ENPP2: variants seen among roughly 807,000 people sequenced by gnomAD.
ENPP2 encodes autotaxin.
Under a neutral mutation model 120.2 loss-of-function variants are expected in ENPP2, and 51 were observed. The ratio of observed to expected loss-of-function variants is 0.42; its 90% CI spans 0.34 to 0.54. ENPP2 has a LOEUF of 0.54. Among genes scored for constraint, ENPP2 ranks in the 20% least tolerant of loss-of-function variants. The probability of loss-of-function intolerance (pLI) is 0.04; values close to 1 mark genes in which losing one functional copy is unlikely to be tolerated. For synonymous variants in ENPP2, 365 were observed against 366.4 expected, an observed-to-expected ratio of 1.00 and a Z score of 0.04; for missense variants, 920 against 1,066.5, an observed-to-expected ratio of 0.86 and a Z score of 1.91.
intron 5 of ENPP2, 103 bp from the exon 6 acceptor site, chr8:119,617,666 T>C: frequency 3.7e-6 from 3 of 808,902 alleles, no homozygotes; most frequent in Non-Finnish European, 6.1e-6. Context: ...AGAAAAAATT[T>C]CACCGGGCGT....
At position 119,557,553 on chromosome 8, in the gene ENPP2, T is replaced by C; in HGVS notation, c.2560A>G (p.Thr854Ala). The C allele has an allele frequency of 6.2e-7, 1 of 1,613,342 alleles. No homozygotes were observed. Among genetic ancestry groups the C allele is most frequent in the Non-Finnish European group, 8.5e-7 (1 of 1,179,966 alleles). ...RSYPEILTLKTYLHTYESEI is the reference protein window; with the variant it reads ...RSYPEILTLKAYLHTYESEI ...TCGCTCTCATATGTATGCAGGTATG[T>C]CTTGAGTGTCAGGATTTCTGGGTAG... The change falls in exon 25 of 25, where the codon ACA becomes GCA. Residue 854 changes from threonine to alanine, a missense_variant. Coordinates refer to ENST00000075322, the MANE Select transcript of ENPP2 (RefSeq NM_001040092.3).
chr8:119,632,530 A>G (rs556664727), intron 2 of ENPP2, among the ~76,000 whole-genome samples: 1 of 152,344 alleles, frequency 6.6e-6, no homozygotes, highest in South Asian at 2.1e-4. Context: ...TTCTTTTAAA[A>G]AATAGAAACC....
chr8:119,628,937 A>T lies in ENPP2; in HGVS notation c.137-2217T>A, dbSNP rs116303966. On this transcript the variant is annotated intron_variant, in intron 2 of 24. Transcript: ENST00000075322. ...GAGGAAGAAGATTTTTACCTTCCTG[A>T]TGTTTGAAATTTCTAACATTCTACA... is the stretch of plus-strand genomic sequence containing the variant. Among the ~76,000 whole-genome samples, 1,069 of 152,296 alleles carry T rather than the reference A, an allele frequency of 7.0e-3. 12 individuals are homozygous for T. The highest frequency in any genetic ancestry group is 0.025 in the African/African-American group (1,033 of 41,560).
At chr8:119,637,306 G>A (rs1817058077) in intron 2 of ENPP2, among the ~76,000 whole-genome samples, 1 of 152,112 alleles carries the variant, frequency 6.6e-6, no homozygotes, top group Non-Finnish European at 1.5e-5. Flanking sequence ...TTGGCTCCCT[G>A]GGGCTGCAAG....
intron 9 of ENPP2, among the ~76,000 whole-genome samples, chr8:119,605,831 C>T (rs1814684398): frequency 6.6e-6 from 1 of 152,018 alleles, no homozygotes; most frequent in Non-Finnish European, 1.5e-5. Flanking sequence ...AATCACTAGT[C>T]CAAGGTCACC....
chr8:119,647,384 C>A (rs1817501816), intron 1 of ENPP2, among the ~76,000 whole-genome samples: 1 of 152,102 alleles, frequency 6.6e-6, no homozygotes, highest in Non-Finnish European at 1.5e-5. Flanking sequence ...GAGCTTTTCA[C>A]CCTGCCTGGA....
chr8:119,583,030 A>G (rs1812856651), intron 17 of ENPP2, among the ~76,000 whole-genome samples: 1 of 152,202 alleles, frequency 6.6e-6, no homozygotes, highest in African/African-American at 2.4e-5. Context: ...CTGCCCTCTA[A>G]TGACTCCACA....
At chr8:119,625,633 T>G (rs1454300220) in intron 3 of ENPP2, among the ~76,000 whole-genome samples, 1 of 152,176 alleles carries the variant, frequency 6.6e-6, no homozygotes, top group Non-Finnish European at 1.5e-5. Flanking sequence ...GGAAACTGCT[T>G]CTGGTGATGT....
intron 2 of ENPP2, among the ~76,000 whole-genome samples, chr8:119,634,174 C>A (rs2130819293): frequency 6.8e-6 from 1 of 147,760 alleles, no homozygotes; most frequent in African/African-American, 2.5e-5. Context: ...CAGAATGAGA[C>A]TCTCTCTCAA....
intron 18 of ENPP2, 94 bp from the exon 19 acceptor site, chr8:119,580,261 TTCAAAAG>T: frequency 1.1e-6 from 1 of 941,374 alleles, no homozygotes; most frequent in Non-Finnish European, 1.7e-6. Context: ...CCCTGCTAAA[TTCAAAAG>T]CGAACTCTAA....
chr8:119,604,418 G>A (rs1814546426), intron 9 of ENPP2, among the ~76,000 whole-genome samples: 1 of 152,138 alleles, frequency 6.6e-6, no homozygotes, highest in African/African-American at 2.4e-5. Flanking sequence ...GAGACCAAAA[G>A]GACATGGCCC....
At chr8:119,598,319 GT>G (rs1189520461) in intron 11 of ENPP2, among the ~76,000 whole-genome samples, 1 of 152,068 alleles carries the variant, frequency 6.6e-6, no homozygotes, top group African/African-American at 2.4e-5. Flanking sequence ...CCAATTAAGA[GT>G]TTATCCAGTA....
chr8:119,646,032 G>A (rs1387718784), intron 1 of ENPP2, among the ~76,000 whole-genome samples: 1 of 151,102 alleles, frequency 6.6e-6, no homozygotes, highest in African/African-American at 2.4e-5. Context: ...GCAATGGCAC[G>A]ATCTCGGCTC....
chr8:119,617,107 A>C, intron 7 of ENPP2, 57 bp downstream of exon 7: 2 of 1,082,188 alleles, frequency 1.8e-6, no homozygotes, highest in South Asian at 1.3e-5. Flanking sequence ...TCTCCTTTAA[A>C]GTCATTCCAG....
At chr8:119,626,762 T>C (rs752978907) in intron 2 of ENPP2, 42 bp from the exon 3 acceptor site, 1 of 1,595,226 alleles carries the variant, frequency 6.3e-7, no homozygotes, top group Admixed American at 1.7e-5. Flanking sequence ...TGGAGAGTGG[T>C]CATGTCACCA....
intron 19 of ENPP2, chr8:119,578,290 G>C (rs1812488409): frequency 6.6e-6 from 1 of 152,134 alleles, no homozygotes; most frequent in African/African-American, 2.4e-5. Flanking sequence ...CTGACCTCAG[G>C]TAATCCACCT....
chr8:119,618,498 G>T, intron 5 of ENPP2: 1 of 361,072 alleles, frequency 2.8e-6, no homozygotes, highest in South Asian at 2.2e-5. Flanking sequence ...TTTGGTTGCT[G>T]GTGCTATAAA....
chr8:119,666,550 G>T (rs1338523862), intron 1 of ENPP2, among the ~76,000 whole-genome samples: 7 of 152,158 alleles, frequency 4.6e-5, no homozygotes, highest in Non-Finnish European at 8.8e-5. Flanking sequence ...GGAGGCCGAG[G>T]CGGGCAGATC....
At chr8:119,586,976 C>G in intron 14 of ENPP2, 68 bp downstream of exon 14, 1 of 1,397,700 alleles carries the variant, frequency 7.2e-7, no homozygotes, top group East Asian at 2.3e-5. Flanking sequence ...GAGGCACACA[C>G]AGGAGGGAGG....
Sources: allele counts gnomAD v4.1 joint callset (sites outside exome capture counted in the v4.1 genomes callset), GRCh38; gene constraint gnomAD v4.1.1; transcripts MANE v1.5; gene names NCBI Gene and HGNC (gene_info 2026-07-23, HGNC 2026-07-21).